RORB: variants seen among roughly 807,000 people sequenced by gnomAD.
RORB encodes the protein nuclear receptor ROR-beta.
A neutral mutation model predicts 59.1 loss-of-function variants in RORB; 6 were observed. The ratio of observed to expected loss-of-function variants is 0.10; its 90% CI spans 0.06 to 0.20. The LOEUF (loss-of-function observed/expected upper bound fraction) is 0.20, where lower values mean the gene tolerates loss of function less well. RORB is among the 10% of genes least tolerant of loss of function. The pLI is 1.00. For synonymous variants in RORB, 215 were observed against 204.5 expected (o/e 1.05, Z -0.44); for missense variants, 320 against 560.5 (o/e 0.57, Z 4.33).
In RORB at chr9:74,663,555, T is replaced by G. The variant is rs566504660; in HGVS notation, c.892+949T>G. 9.8e-5 allele frequency among the ~76,000 whole-genome samples: 15 copies of G among 152,310 alleles called. No homozygotes were observed. In the South Asian group the frequency reaches 2.7e-3, roughly 27 times the overall value. On this transcript the variant is annotated intron_variant, in intron 6 of 9. Coordinates refer to ENST00000376896, the MANE Select transcript of RORB (RefSeq NM_006914.4). The stretch of plus-strand genomic sequence containing the variant: ...AAGTGTCAACTTGATGTACCAGTCA[T>G]CTAAACCACTGCAAAATTTAACTAA...
At chr9:74,653,079 GTTC>G (rs1311750559) in intron 4 of RORB, among the ~76,000 whole-genome samples, 1 of 152,176 alleles carries the variant, frequency 6.6e-6, no homozygotes, top group Admixed American at 6.5e-5. Flanking sequence ...CACTAGACTT[GTTC>G]TGTCTAATGA....
intron 1 of RORB, among the ~76,000 whole-genome samples, chr9:74,580,385 G>T (rs1395005835): frequency 1.3e-5 from 2 of 152,088 alleles, no homozygotes; most frequent in Non-Finnish European, 2.9e-5. Flanking sequence ...GATTTGCATG[G>T]ATACTCAAGA....
intron 1 of RORB, among the ~76,000 whole-genome samples, chr9:74,574,931 A>G (rs896348900): frequency 6.6e-6 from 1 of 152,118 alleles, no homozygotes; most frequent in Non-Finnish European, 1.5e-5. Context: ...GTGGTAAGCT[A>G]AGCGTATATG....
intron 9 of RORB, among the ~76,000 whole-genome samples, chr9:74,673,215 A>T (rs1023067250): frequency 2.0e-5 from 3 of 152,200 alleles, no homozygotes; most frequent in Non-Finnish European, 4.4e-5. Flanking sequence ...CAATAATGTA[A>T]ATATATGCAT....
chr9:74,669,781 T>C (rs1208103935), intron 8 of RORB, among the ~76,000 whole-genome samples: 1 of 152,140 alleles, frequency 6.6e-6, no homozygotes, highest in East Asian at 1.9e-4. Flanking sequence ...CTCTACTATA[T>C]TTTTCAATGA....
intron 1 of RORB, among the ~76,000 whole-genome samples, chr9:74,621,469 G>A (rs561975093): frequency 6.6e-6 from 1 of 152,318 alleles, no homozygotes; most frequent in South Asian, 2.1e-4. Flanking sequence ...ATGTACCACA[G>A]TTGGTTTGTC....
intron 1 of RORB, among the ~76,000 whole-genome samples, chr9:74,504,648 C>T (rs1587330082): frequency 1.3e-5 from 2 of 151,822 alleles, no homozygotes; most frequent in African/African-American, 4.8e-5. Flanking sequence ...GTGGTCCTGG[C>T]TAATTTAGAG....
At chr9:74,521,973 T>C (rs1021958925) in intron 1 of RORB, among the ~76,000 whole-genome samples, 2 of 151,818 alleles carry the variant, frequency 1.3e-5, no homozygotes, top group East Asian at 1.9e-4. Context: ...ATTTCTGCTC[T>C]TGTCTGCAAC....
intron 1 of RORB, among the ~76,000 whole-genome samples, chr9:74,546,025 T>C (rs893759822): frequency 6.6e-6 from 1 of 152,198 alleles, no homozygotes; most frequent in African/African-American, 2.4e-5. Context: ...GTGATACTAA[T>C]GATAGTTTTT....
At chr9:74,638,042 A>G (rs1376490130) in intron 3 of RORB, among the ~76,000 whole-genome samples, 3 of 152,210 alleles carry the variant, frequency 2.0e-5, no homozygotes, top group Non-Finnish European at 2.9e-5. Context: ...CTACAGCACT[A>G]AAAAAAGGGT....
At chr9:74,659,188 A>G (rs1824138435) in intron 4 of RORB, among the ~76,000 whole-genome samples, 1 of 152,140 alleles carries the variant, frequency 6.6e-6, no homozygotes, top group African/African-American at 2.4e-5. Flanking sequence ...TGTTTAGAAA[A>G]TTTATTAGAA....
intron 9 of RORB, among the ~76,000 whole-genome samples, chr9:74,679,369 C>T (rs1264313296): frequency 6.6e-6 from 1 of 152,140 alleles, no homozygotes; most frequent in Non-Finnish European, 1.5e-5. Context: ...TTAGCATACC[C>T]GTGTGACCAC....
In RORB at chr9:74,523,621, A is replaced by T. The variant is rs1392751556; in HGVS notation, c.7+25638A>T. On this transcript the variant is annotated intron_variant, in intron 1 of 9. Coordinates refer to ENST00000376896, the MANE Select transcript of RORB (RefSeq NM_006914.4). ...ACTCAAGCCAGAGCTTTCAAAATAA[A>T]CTCGTTGGCCTGATTGCCAGTGCCC... Among the ~76,000 whole-genome samples the T allele has an allele frequency of 2.6e-5, 4 of 151,954 alleles. No homozygotes were observed. The East Asian group carries it at 7.8e-4, about 30-fold the overall frequency.
intron 1 of RORB, among the ~76,000 whole-genome samples, chr9:74,558,046 C>A (rs1043734960): frequency 6.6e-6 from 1 of 152,020 alleles, no homozygotes; most frequent in Non-Finnish European, 1.5e-5. Flanking sequence ...CCGGAGCAAA[C>A]AATTATTAGC....
chr9:74,667,824 T>G lies in RORB; in HGVS notation c.1034T>G (p.Phe345Cys), dbSNP rs1759761375. Residue 345 changes from phenylalanine to cysteine, a missense_variant, in exon 8 of 10, where the codon TTT becomes TGT. Around this residue, in one of 4 missense-constraint regions of RORB, gnomAD observed 109 missense variants for 171.0 expected, o/e 0.64. Coordinates refer to ENST00000376896, the MANE Select transcript of RORB (RefSeq NM_006914.4). ...GACCTAGTGAATGAAGCATTTGACT[T>G]TGCAAAGAATTTGTGTTCCTTGCAG... ...SDDLVNEAFD[F>C]AKNLCSLQLT... 3.7e-6 allele frequency: 6 copies of G among 1,613,486 alleles called. No homozygotes were observed. The highest frequency in any genetic ancestry group is 5.1e-6 in the Non-Finnish European group (6 of 1,179,408).
At chr9:74,569,028 A>T (rs965066597) in intron 1 of RORB, among the ~76,000 whole-genome samples, 1 of 152,102 alleles carries the variant, frequency 6.6e-6, no homozygotes, top group Non-Finnish European at 1.5e-5. Context: ...ACCAATGTTA[A>T]GGTTTTTGTT....
chr9:74,578,042 GA>G (rs1822664162), intron 1 of RORB, among the ~76,000 whole-genome samples: 1 of 152,014 alleles, frequency 6.6e-6, no homozygotes, highest in South Asian at 2.1e-4. Context: ...TACAGATCAG[GA>G]AACTGAGGAC....
chr9:74,530,246 C>T (rs886840542), intron 1 of RORB, among the ~76,000 whole-genome samples: 1 of 151,956 alleles, frequency 6.6e-6, no homozygotes, highest in Non-Finnish European at 1.5e-5. Context: ...TTCTTTTGGT[C>T]GTTGACTGAA....
At chr9:74,628,329 G>A (rs1288232343) in intron 1 of RORB, among the ~76,000 whole-genome samples, 1 of 152,106 alleles carries the variant, frequency 6.6e-6, no homozygotes, top group African/African-American at 2.4e-5. Flanking sequence ...CTCTTTAGCT[G>A]GAGCTATTGG....
Sources: gnomAD v4.1 joint callset for allele counts (sites outside exome capture counted in the v4.1 genomes callset) on GRCh38, gnomAD v4.1.1 for gene constraint, gnomAD v4.1.1 regional missense constraint, MANE v1.5 for transcripts, NCBI Gene and HGNC (gene_info 2026-07-23, HGNC 2026-07-21) for gene names.